KCNK13: variants seen among roughly 807,000 people sequenced by gnomAD.
The protein encoded by KCNK13 is potassium channel subfamily K member 13.
KCNK13 carries 12 observed loss-of-function variants against 23.4 expected under a neutral mutation model. The ratio of observed to expected loss-of-function variants is 0.51; its 90% CI spans 0.33 to 0.83. KCNK13 has a LOEUF of 0.83. KCNK13 is among the 40% of genes least tolerant of loss of function. The probability of loss-of-function intolerance (pLI) is 0.02; values close to 1 mark genes in which losing one functional copy is unlikely to be tolerated. For missense variants in KCNK13, 463 were observed against 556.3 expected, an observed-to-expected ratio of 0.83 and a Z score of 1.69; for synonymous variants, 231 against 229.5, an observed-to-expected ratio of 1.01 and a Z score of -0.06.
intron 1 of KCNK13, among the ~76,000 whole-genome samples, chr14:90,112,163 C>G (rs546603883): frequency 1.3e-5 from 2 of 152,314 alleles, no homozygotes; most frequent in African/African-American, 4.8e-5. Flanking sequence ...ACCTTTTTCT[C>G]ACATTCCTGC....
At chr14:90,174,729 C>T (rs1890404274) in intron 1 of KCNK13, among the ~76,000 whole-genome samples, 1 of 151,864 alleles carries the variant, frequency 6.6e-6, no homozygotes, top group African/African-American at 2.4e-5. Flanking sequence ...TATTGTAAAC[C>T]AATAGTCCCA....
rs1479572242 is a variant in KCNK13 at position 90,110,051 on chromosome 14, C to T, written c.334+47512C>T. ...GCTGGACATGTAACAGCCCTACCCC[C>T]TCCACACTAAATGCCGATCCTTGTG... is the stretch of plus-strand genomic sequence containing the variant. On this transcript the variant is annotated intron_variant, in intron 1 of 1. Coordinates refer to ENST00000282146, the MANE Select transcript of KCNK13 (RefSeq NM_022054.4). Among the ~76,000 whole-genome samples, 2 of 152,152 alleles carry T rather than the reference C, an allele frequency of 1.3e-5. 1 individual carries two copies. The highest frequency in any genetic ancestry group is 4.1e-4 in the South Asian group (2 of 4,826).
At chr14:90,150,698 G>T (rs892258410) in intron 1 of KCNK13, among the ~76,000 whole-genome samples, 1 of 152,184 alleles carries the variant, frequency 6.6e-6, no homozygotes, top group Non-Finnish European at 1.5e-5. Flanking sequence ...TTGTGTCTCT[G>T]CCCAAATCGC....
chr14:90,117,748 G>A (rs756483641), intron 1 of KCNK13, among the ~76,000 whole-genome samples: 10 of 152,126 alleles, frequency 6.6e-5, no homozygotes, highest in Non-Finnish European at 1.0e-4. Flanking sequence ...TCACAGTGTT[G>A]TGCACCCATT....
At chr14:90,163,062 T>G (rs556534488) in intron 1 of KCNK13, among the ~76,000 whole-genome samples, 1 of 152,168 alleles carries the variant, frequency 6.6e-6, no homozygotes. Context: ...AGAAACAACA[T>G]GCAAATTCTG....
At chr14:90,072,213 C>G (rs925961881) in intron 1 of KCNK13, among the ~76,000 whole-genome samples, 1 of 152,154 alleles carries the variant, frequency 6.6e-6, no homozygotes, top group African/African-American at 2.4e-5. Flanking sequence ...GAGAGTCATC[C>G]TTATAAGCCT....
At chr14:90,104,698 G>A (rs1306544012) in intron 1 of KCNK13, among the ~76,000 whole-genome samples, 2 of 150,398 alleles carry the variant, frequency 1.3e-5, no homozygotes, top group Non-Finnish European at 3.0e-5. Context: ...TCCTACCCAG[G>A]TTGGGCAAGG....
intron 1 of KCNK13, among the ~76,000 whole-genome samples, chr14:90,124,828 AC>A (rs1889777983): frequency 6.6e-6 from 1 of 152,258 alleles, no homozygotes; most frequent in South Asian, 2.1e-4. Context: ...GAAAATGAAT[AC>A]AGCTAAACTC....
intron 1 of KCNK13, among the ~76,000 whole-genome samples, chr14:90,076,089 G>A (rs756235195): frequency 6.6e-6 from 1 of 152,100 alleles, no homozygotes; most frequent in South Asian, 2.1e-4. Flanking sequence ...TAACTCTTTA[G>A]CCACTTTTAT....
At chr14:90,148,579 A>T (rs762854517) in intron 1 of KCNK13, among the ~76,000 whole-genome samples, 8 of 152,230 alleles carry the variant, frequency 5.3e-5, no homozygotes, top group Non-Finnish European at 1.2e-4. Flanking sequence ...CAAATGATGT[A>T]CAGGGGCAGT....
chr14:90,171,685 A>G lies in KCNK13; in HGVS notation c.335-12426A>G, dbSNP rs148746446. Among the ~76,000 whole-genome samples the G allele has an allele frequency of 6.3e-3, 967 of 152,292 alleles. 6 individuals are homozygous for G. Among genetic ancestry groups the G allele is most frequent in the African/African-American group, 0.022 (933 of 41,566 alleles). ...AATGGAAGTGGGGAGGGAGCTTCCA[A>G]GTCATAGGTAGGTGAGAGACAAATG... On this transcript the variant is annotated intron_variant, in intron 1 of 1. Coordinates refer to ENST00000282146, the MANE Select transcript of KCNK13 (RefSeq NM_022054.4).
intron 1 of KCNK13, among the ~76,000 whole-genome samples, chr14:90,164,687 C>A (rs1297160449): frequency 6.6e-6 from 1 of 152,172 alleles, no homozygotes; most frequent in Non-Finnish European, 1.5e-5. Flanking sequence ...ACTGAAAGAA[C>A]ACATACTGTA....
intron 1 of KCNK13, among the ~76,000 whole-genome samples, chr14:90,178,517 C>T (rs955768977): frequency 2.0e-5 from 3 of 151,684 alleles, no homozygotes; most frequent in South Asian, 2.1e-4. Context: ...CTTGAACTCC[C>T]GACCTCAGGT....
chr14:90,123,216 A>C (rs945391348), intron 1 of KCNK13, among the ~76,000 whole-genome samples: 1 of 152,200 alleles, frequency 6.6e-6, no homozygotes, highest in African/African-American at 2.4e-5. Flanking sequence ...GGCAGCCATA[A>C]CCAAGCCACT....
At chr14:90,079,093 A>C (rs575280348) in intron 1 of KCNK13, among the ~76,000 whole-genome samples, 53 of 152,292 alleles carry the variant, frequency 3.5e-4, no homozygotes, top group African/African-American at 1.3e-3. Flanking sequence ...GGGCCTCTTC[A>C]GCTCGGTGGT....
intron 1 of KCNK13, among the ~76,000 whole-genome samples, chr14:90,151,664 C>A (rs1050921659): frequency 6.6e-6 from 1 of 151,978 alleles, no homozygotes; most frequent in Non-Finnish European, 1.5e-5. Flanking sequence ...TGCTTTTTGT[C>A]GCCTGTGTTT....
At chr14:90,144,322 A>G (rs1015263603) in intron 1 of KCNK13, among the ~76,000 whole-genome samples, 2 of 152,036 alleles carry the variant, frequency 1.3e-5, no homozygotes, top group African/African-American at 4.8e-5. Flanking sequence ...TGTACATGAT[A>G]TCTTAGTTCC....
chr14:90,132,080 A>G (rs10873402), intron 1 of KCNK13, among the ~76,000 whole-genome samples: 74,816 of 152,212 alleles, frequency 0.49, 19,689 homozygotes, highest in East Asian at 0.93. Context: ...TATACATACA[A>G]TGGAATATCA....
Position 90,184,356 on chromosome 14 carries a change from G to T in KCNK13, c.580G>T (p.Val194Leu). 3 of 1,614,252 alleles carry T rather than the reference G, an allele frequency of 1.9e-6. No individual in the cohort carries two copies. The highest frequency in any genetic ancestry group is 1.7e-6 in the Non-Finnish European group (2 of 1,180,048). ...VDSLAGWKPS[V>L]YYVMLILCTA... ...CAGCCTGGCCGGCTGGAAGCCCTCCGTGTACTACGTCATGCTGATCCTATG... is the reference window on the plus strand; with the variant it reads ...CAGCCTGGCCGGCTGGAAGCCCTCCTTGTACTACGTCATGCTGATCCTATG... The change falls in exon 2 of 2, where the codon GTG becomes TTG. Residue 194 changes from valine to leucine, a missense_variant. Transcript: ENST00000282146. This position sits in a 1 kb window ranked among gnomAD's most constrained non-coding sequence, Gnocchi z 5.6.
Sources: allele counts gnomAD v4.1 joint callset (sites outside exome capture counted in the v4.1 genomes callset), GRCh38; gene constraint gnomAD v4.1.1; non-coding constraint Gnocchi (gnomAD v3.1); transcripts MANE v1.5; gene names NCBI Gene and HGNC (gene_info 2026-07-23, HGNC 2026-07-21).